The following FAT2 variants were observed in gnomAD, a reference collection of about 807,000 sequenced individuals.
The protein encoded by FAT2 is protocadherin Fat 2.
A neutral mutation model predicts 295.3 loss-of-function variants in FAT2; 150 were observed. The ratio of observed to expected loss-of-function variants is 0.51; its 90% CI spans 0.44 to 0.58. The LOEUF (loss-of-function observed/expected upper bound fraction) is 0.58, where lower values mean the gene tolerates loss of function less well. Ranked by LOEUF, FAT2 falls within the 20% of genes least tolerant of loss-of-function variation. The pLI is 0.00. For missense variants in FAT2, 4,868 were observed against 5,442.7 expected, an observed-to-expected ratio of 0.89 and a Z score of 3.32; for synonymous variants, 2,026 against 2,150.3, an observed-to-expected ratio of 0.94 and a Z score of 1.60.
In FAT2 at chr5:151,506,104, G is replaced by A. The variant is rs1760845599; in HGVS notation, c.12518-7C>T. The A allele has an allele frequency of 2.0e-6, 3 of 1,506,460 alleles. No homozygotes were observed. Among genetic ancestry groups the A allele is most frequent in the South Asian group, 2.7e-5 (2 of 74,402 alleles). 93.3% of individuals were successfully genotyped at this position (1,506,460 alleles called of 1,614,324 possible). ...ATGGCTCCGCCAGGGTACACTGAAA[G>A]GGAACAGCAAGATAGGGTGAGCTCA... On this transcript the variant is annotated splice_polypyrimidine_tract_variant and splice_region_variant and intron_variant, in intron 23 of 23. Coordinates refer to ENST00000261800, the MANE Select transcript of FAT2 (RefSeq NM_001447.3).
intron 10 of FAT2, among the ~76,000 whole-genome samples, chr5:151,542,012 T>C (rs893000480): frequency 6.6e-6 from 1 of 152,230 alleles, no homozygotes; most frequent in Non-Finnish European, 1.5e-5. Context: ...GTATGACTCA[T>C]GTAAAATAAT....
In FAT2 at chr5:151,550,838, G is replaced by A. The variant is rs1757131520; in HGVS notation, c.4330C>T (p.His1444Tyr). 2.5e-6 allele frequency: 4 copies of A among 1,613,402 alleles called. No homozygotes were observed. The highest frequency in any genetic ancestry group is 1.3e-5 in the African/African-American group (1 of 74,868). The change falls in exon 8 of 24, where the codon CAT (histidine) becomes TAT (tyrosine). Residue 1444 changes from histidine (H) to tyrosine (Y), a missense_variant. His to Tyr is a moderately conservative substitution (Grantham distance 83). Transcript: ENST00000261800. ...HIFMIANINHHRPQFLETRYE... is the reference protein window; with the variant it reads ...HIFMIANINHYRPQFLETRYE... ...CGAGTTTCCAGAAACTGGGGCCGAT[G>A]GTGGTTAATGTTGGCAATCATGAAG...
At chr5:151,589,399 T>C (rs747677542) in intron 1 of FAT2, among the ~76,000 whole-genome samples, 8 of 152,230 alleles carry the variant, frequency 5.3e-5, no homozygotes, top group Non-Finnish European at 1.2e-4. Context: ...GGTTAGAGTA[T>C]GCAGGAAGCT....
At position 151,521,849 on chromosome 5, in the gene FAT2, C is replaced by T. The variant is rs930106918; in HGVS notation, c.10744G>A (p.Ala3582Thr). Residue 3582 changes from alanine to threonine, a missense_variant, in exon 19 of 24, where the codon GCG becomes ACG. Coordinates refer to ENST00000261800, the MANE Select transcript of FAT2 (RefSeq NM_001447.3). The stretch of plus-strand genomic sequence containing the variant: ...GCGGCGATAATCTTGCCATCAGGCG[C>T]ACCCACTGAGAAGTGCCTGCCCAGG... ...ETLGRHFSVG[A>T]PDGKIIAAQG... The T allele has an allele frequency of 6.2e-7, 1 of 1,614,230 alleles. No homozygotes were observed. The highest frequency in any genetic ancestry group is 1.7e-5 in the Admixed American group (1 of 60,032).
chr5:151,580,258 C>A (rs1017661846), intron 1 of FAT2, among the ~76,000 whole-genome samples: 1 of 152,176 alleles, frequency 6.6e-6, no homozygotes, highest in Non-Finnish European at 1.5e-5. Flanking sequence ...GAGGAGAGTG[C>A]AGGGAGAAAG....
At chr5:151,524,457 C>A (rs549787448) in intron 18 of FAT2, among the ~76,000 whole-genome samples, 1 of 152,002 alleles carries the variant, frequency 6.6e-6, no homozygotes, top group African/African-American at 2.4e-5. Flanking sequence ...AATGAGAAGC[C>A]GACAGTCTGC....
Position 151,534,500 on chromosome 5 carries a change from C to T in FAT2, c.9336G>A (p.Arg3112=), listed in dbSNP as rs764069022. 1.2e-6 allele frequency: 2 copies of T among 1,614,068 alleles called. No individual in the cohort carries two copies. Among genetic ancestry groups the T allele is most frequent in the Non-Finnish European group, 8.5e-7 (1 of 1,180,014 alleles). The stretch of plus-strand genomic sequence containing the variant: ...CCACAGCACAGTGGCTGGGGAAGAA[C>T]CGCGGGGCATTGTCATTCACATCCT... ...HVEDVNDNAP[R]FFPSHCAVAV... Residue 3112 remains arginine, a synonymous_variant, in exon 13 of 24, where the codon CGG becomes CGA. Transcript: ENST00000261800.
At position 151,507,571 on chromosome 5, in the gene FAT2, G is replaced by A. The variant is rs770302828; in HGVS notation, c.12100C>T (p.Leu4034=). ...CCCCTTTGGATCTCGGGAGTGACTA[G>A]GCAGTGTCCTTCTGAACAACCCCTC... ...EARGCSEGHC[L]VTPEIQRGDW... Residue 4034 remains leucine, a synonymous_variant, in exon 23 of 24, where the codon CTA becomes TTA. Transcript: ENST00000261800. 1 of 1,613,624 alleles carries A rather than the reference G, an allele frequency of 6.2e-7. No homozygotes were observed. Among genetic ancestry groups the A allele is most frequent in the South Asian group, 1.1e-5 (1 of 91,032 alleles).
At chr5:151,577,053 G>A (rs1056308671) in intron 1 of FAT2, among the ~76,000 whole-genome samples, 2 of 152,180 alleles carry the variant, frequency 1.3e-5, no homozygotes, top group Non-Finnish European at 2.9e-5. Context: ...CATATATGCA[G>A]TCCCACACTG....
rs768355542 is a variant in FAT2, at chr5:151,512,657, A to G, written c.11464-51T>C. The G allele has an allele frequency of 3.4e-6, 5 of 1,475,658 alleles. No homozygotes were observed. In the South Asian group the frequency reaches 5.2e-5, roughly 15 times the overall value. The allele number at this position is 1,475,658 out of a possible 1,614,324, so 91.4% of individuals were successfully genotyped here. A position where few individuals can be genotyped will look rare whatever the true frequency, so the allele number is the denominator to read the frequency against. ...CAGCAAAGCCAAGGAGTCCTTGTAAACCTGCTAAGAGGCTGCCAGTTCAAA... is the reference window on the plus strand; with the variant it reads ...CAGCAAAGCCAAGGAGTCCTTGTAAGCCTGCTAAGAGGCTGCCAGTTCAAA... On this transcript the variant is annotated intron_variant, in intron 20 of 23. Transcript: ENST00000261800. The surrounding 1 kb of genome is among the most constrained non-coding windows in gnomAD (Gnocchi z 4.1).
intron 14 of FAT2, among the ~76,000 whole-genome samples, chr5:151,529,790 C>G (rs1271286829): frequency 2.0e-5 from 3 of 152,124 alleles, no homozygotes; most frequent in Non-Finnish European, 4.4e-5. Flanking sequence ...CCTCACCCAG[C>G]TAGTAAATGA....
chr5:151,514,509 T>G (rs1218989280), intron 20 of FAT2, among the ~76,000 whole-genome samples: 1 of 152,220 alleles, frequency 6.6e-6, no homozygotes, highest in East Asian at 1.9e-4. Flanking sequence ...TATACAGACA[T>G]GGAGCAGAAC....
chr5:151,588,967 C>T (rs1056532255), intron 1 of FAT2, among the ~76,000 whole-genome samples: 2 of 152,146 alleles, frequency 1.3e-5, no homozygotes, highest in African/African-American at 2.4e-5. Flanking sequence ...AGGCCCAGGT[C>T]ACATGGCTAA....
At chr5:151,594,131 T>C (rs1759505744), upstream of FAT2, among the ~76,000 whole-genome samples, 1 of 152,222 alleles carries the variant, frequency 6.6e-6, no homozygotes, top group African/African-American at 2.4e-5. Flanking sequence ...ATGAAGAAAC[T>C]GAAGCTCAGA....
At chr5:151,552,245 C>G (rs1757283704) in intron 6 of FAT2, among the ~76,000 whole-genome samples, 1 of 152,140 alleles carries the variant, frequency 6.6e-6, no homozygotes, top group African/African-American at 2.4e-5. Flanking sequence ...TTCAGCCTCT[C>G]AAGCAGCTGG....
upstream of FAT2, among the ~76,000 whole-genome samples, chr5:151,593,298 G>C (rs1398488711): frequency 6.6e-6 from 1 of 152,256 alleles, no homozygotes; most frequent in East Asian, 1.9e-4. Flanking sequence ...GCAGGCGACT[G>C]TCTTCCCTCG....
intron 20 of FAT2, among the ~76,000 whole-genome samples, 167 bp downstream of exon 20, chr5:151,517,453 T>C (rs1561818891): frequency 6.6e-6 from 1 of 152,202 alleles, no homozygotes; most frequent in Non-Finnish European, 1.5e-5. Flanking sequence ...GCTGTGGCCA[T>C]CCAGGACAGG....
chr5:151,509,856 G>T, intron 22 of FAT2, 165 bp downstream of exon 22: 1 of 722,392 alleles, frequency 1.4e-6, no homozygotes, highest in South Asian at 2.3e-5. Context: ...ACCGGTCCCT[G>T]GTGCCAAAAA....
At chr5:151,534,750 C>T in intron 12 of FAT2, 108 bp from the exon 13 acceptor site, 2 of 917,458 alleles carry the variant, frequency 2.2e-6, no homozygotes, top group Non-Finnish European at 1.7e-6. Flanking sequence ...GAGTTTTGTT[C>T]ACAGCAAGGA....
Sources: gnomAD v4.1 joint callset for allele counts (sites outside exome capture counted in the v4.1 genomes callset) on GRCh38, gnomAD v4.1.1 for gene constraint, Gnocchi (gnomAD v3.1) non-coding constraint, MANE v1.5 for transcripts, NCBI Gene and HGNC (gene_info 2026-07-23, HGNC 2026-07-21) for gene names.